CSMD2: variants seen among roughly 807,000 people sequenced by gnomAD.
CSMD2 encodes CUB and Sushi multiple domains 2.
Under a neutral mutation model 398.5 loss-of-function variants are expected in CSMD2, and 130 were observed. The observed-to-expected ratio is 0.33, with a 90% CI of 0.28 to 0.38. CSMD2 has a LOEUF of 0.38. CSMD2 is among the 10% of genes least tolerant of loss of function. The pLI, the probability that CSMD2 is intolerant of heterozygous loss-of-function variation, is 1.00. For missense variants in CSMD2, 3,829 were observed against 4,764.9 expected, an observed-to-expected ratio of 0.80 and a Z score of 5.78; for synonymous variants, 1,828 against 1,908.5, an observed-to-expected ratio of 0.96 and a Z score of 1.10.
At chr1:33,596,650 G>A (rs955739087) in intron 44 of CSMD2, among the ~76,000 whole-genome samples, 3 of 152,124 alleles carry the variant, frequency 2.0e-5, no homozygotes, top group Admixed American at 2.0e-4. Context: ...CAGTGAAGAG[G>A]GAAGCCCCTT....
chr1:34,080,783 A>G (rs762816177), intron 2 of CSMD2, among the ~76,000 whole-genome samples: 19 of 152,236 alleles, frequency 1.2e-4, no homozygotes, highest in South Asian at 4.1e-4. Flanking sequence ...TAGCCTAAGG[A>G]AAGTGAGAGA....
chr1:33,835,852 T>C (rs1013387343), intron 6 of CSMD2, among the ~76,000 whole-genome samples: 1 of 152,068 alleles, frequency 6.6e-6, no homozygotes, highest in Non-Finnish European at 1.5e-5. Context: ...TGAAGCCTTC[T>C]TCTCTTAACT....
At chr1:33,777,616 C>G (rs569494517) in intron 12 of CSMD2, among the ~76,000 whole-genome samples, 6 of 152,302 alleles carry the variant, frequency 3.9e-5, no homozygotes, top group South Asian at 4.1e-4. Flanking sequence ...ATCACACATG[C>G]AATTTCCTGT....
chr1:33,975,606 C>T (rs1175696985), intron 3 of CSMD2, among the ~76,000 whole-genome samples: 1 of 151,798 alleles, frequency 6.6e-6, no homozygotes, highest in Admixed American at 6.6e-5. Flanking sequence ...TTCCTGACAG[C>T]CAAAACCTGG....
chr1:33,582,960 T>C (rs1251711741), intron 47 of CSMD2, among the ~76,000 whole-genome samples: 1 of 152,228 alleles, frequency 6.6e-6, no homozygotes, highest in Non-Finnish European at 1.5e-5. Context: ...TAGACAACAG[T>C]ATACATTCAT....
At chr1:33,694,032 C>T (rs1367993742) in intron 24 of CSMD2, among the ~76,000 whole-genome samples, 1 of 152,028 alleles carries the variant, frequency 6.6e-6, no homozygotes, top group African/African-American at 2.4e-5. Flanking sequence ...GCACTCCAGC[C>T]TGGGCAACAA....
At chr1:33,607,396 G>GA (rs890687190) in intron 41 of CSMD2, among the ~76,000 whole-genome samples, 8 of 152,216 alleles carry the variant, frequency 5.3e-5, no homozygotes, top group African/African-American at 1.4e-4. Context: ...GGGTCTGACA[G>GA]AAACAGCCTC....
At position 33,682,362 on chromosome 1, in the gene CSMD2, G is replaced by A. The variant is rs1170686507; in HGVS notation, c.4052+10568C>T. ...TATCCAAATAAGGCAATATTTACAG[G>A]TTCCACGCATTGGAACCTCACATTT... is the stretch of plus-strand genomic sequence containing the variant. On this transcript the variant is annotated intron_variant, in intron 25 of 70. Transcript: ENST00000373381. Among the ~76,000 whole-genome samples the A allele has an allele frequency of 3.3e-5, 5 of 152,104 alleles. No individual in the cohort carries two copies. The South Asian group carries it at 6.2e-4, about 19-fold the overall frequency.
chr1:34,161,204 A>G (rs1641297545), intron 1 of CSMD2, among the ~76,000 whole-genome samples: 1 of 152,202 alleles, frequency 6.6e-6, no homozygotes, highest in Non-Finnish European at 1.5e-5. Context: ...GAAAGAAGCT[A>G]ATAAGATTGC....
At chr1:33,825,171 T>C (rs558242613) in intron 7 of CSMD2, among the ~76,000 whole-genome samples, 19 of 151,306 alleles carry the variant, frequency 1.3e-4, no homozygotes, top group South Asian at 2.1e-4. Context: ...TGCCTCCCCA[T>C]TGACCCGAGG....
intron 3 of CSMD2, among the ~76,000 whole-genome samples, chr1:34,027,817 G>T (rs1206325336): frequency 6.6e-6 from 1 of 152,144 alleles, no homozygotes; most frequent in Non-Finnish European, 1.5e-5. Flanking sequence ...ATATTCATTG[G>T]AATGGCAGAA....
intron 1 of CSMD2, among the ~76,000 whole-genome samples, chr1:34,161,828 G>T (rs766666667): frequency 1.3e-5 from 2 of 152,026 alleles, no homozygotes; most frequent in African/African-American, 4.8e-5. Flanking sequence ...TTCTTGGCTT[G>T]TTTTGTGGTA....
intron 22 of CSMD2, among the ~76,000 whole-genome samples, chr1:33,701,617 A>C (rs1020686326): frequency 6.6e-6 from 1 of 152,230 alleles, no homozygotes; most frequent in Non-Finnish European, 1.5e-5. Context: ...AAAGCTTTCT[A>C]AAAGAAGCCA....
chr1:33,832,067 A>G (rs997127813), intron 6 of CSMD2, among the ~76,000 whole-genome samples: 2 of 146,964 alleles, frequency 1.4e-5, no homozygotes, highest in East Asian at 2.0e-4. Flanking sequence ...ATAATGGGAG[A>G]CTTTAACACC....
chr1:33,592,570 T>C, intron 44 of CSMD2: 1 of 709,938 alleles, frequency 1.4e-6, no homozygotes, highest in Non-Finnish European at 2.6e-6. Context: ...CATATTGTGT[T>C]AAGGTTTTGG....
chr1:34,088,936 A>G, intron 2 of CSMD2, 41 bp downstream of exon 2: 1 of 1,541,410 alleles, frequency 6.5e-7, no homozygotes, highest in Non-Finnish European at 9.0e-7. Flanking sequence ...CTTGGCTCAT[A>G]GCCCAGCTGT....
rs542608435 is a variant in CSMD2, at chr1:34,159,832, T to C, written c.187+5079A>G. Among the ~76,000 whole-genome samples the C allele has an allele frequency of 2.1e-4, 32 of 152,338 alleles. No homozygotes were observed. The South Asian group carries it at 3.1e-3, about 15-fold the overall frequency. On this transcript the variant is annotated intron_variant, in intron 1 of 70. Coordinates refer to ENST00000373381, the MANE Select transcript of CSMD2 (RefSeq NM_001281956.2). ...TGGGGAAGGACATGGTGAGGGCACA[T>C]AGACTTCCTGGCTGATTCCTTTGGC... is the stretch of plus-strand genomic sequence containing the variant.
intron 2 of CSMD2, among the ~76,000 whole-genome samples, chr1:34,069,301 G>T (rs760862753): frequency 3.3e-5 from 5 of 152,180 alleles, no homozygotes; most frequent in Admixed American, 6.5e-5. Context: ...TGTCTGCAGT[G>T]GTGAACAAGA....
At chr1:33,945,227 G>A (rs1041655213) in intron 3 of CSMD2, among the ~76,000 whole-genome samples, 4 of 151,914 alleles carry the variant, frequency 2.6e-5, no homozygotes, top group African/African-American at 9.7e-5. Flanking sequence ...CTCCCAGTTC[G>A]ATTTGAAGTT....
Sources: allele counts gnomAD v4.1 joint callset (sites outside exome capture counted in the v4.1 genomes callset), GRCh38; gene constraint gnomAD v4.1.1; transcripts MANE v1.5; gene names NCBI Gene and HGNC (gene_info 2026-07-23, HGNC 2026-07-21).